Variants in GRIK4 observed in about 807,000 individuals in gnomAD.
The protein encoded by GRIK4 is glutamate ionotropic receptor kainate type subunit 4.
In GRIK4, 40 loss-of-function variants were observed where a neutral mutation model predicts 104.9. The ratio of observed to expected loss-of-function variants is 0.38; its 90% CI spans 0.30 to 0.50. GRIK4 has a LOEUF of 0.50. Ranked by LOEUF, GRIK4 falls within the 20% of genes least tolerant of loss-of-function variation. The pLI, the probability that GRIK4 is intolerant of heterozygous loss-of-function variation, is 0.93. For synonymous variants in GRIK4, 485 were observed against 524.9 expected (o/e 0.92, Z 1.04); for missense variants, 1,047 against 1,308.1 (o/e 0.80, Z 3.08).
At position 120,861,998 on chromosome 11, in the gene GRIK4, C is replaced by G. The variant is rs752261288; in HGVS notation, c.784C>G (p.Arg262Gly). The G allele has an allele frequency of 1.2e-6, 2 of 1,613,504 alleles. No homozygotes were observed. Among genetic ancestry groups the G allele is most frequent in the Non-Finnish European group, 1.7e-6 (2 of 1,179,410 alleles). The change falls in exon 9 of 21, where the codon CGT (arginine) becomes GGT (glycine). Residue 262 changes from arginine (R) to glycine (G), a missense_variant. Around this residue, in one of 3 missense-constraint regions of GRIK4, gnomAD observed 447 missense variants for 514.9 expected, o/e 0.87. Coordinates refer to ENST00000527524, the MANE Select transcript of GRIK4 (RefSeq NM_014619.5). The stretch of plus-strand genomic sequence containing the variant: ...GAGAATGGACAGCCTTGTGGATGAT[C>G]GTGTCAACATCCTGGGATTTTCCAT... ...LQRMDSLVDD[R>G]VNILGFSIFN...
rs768115526 is a variant in GRIK4, at chr11:120,960,926, T to G, written c.1892T>G (p.Ile631Ser). Reference sequence around the variant, plus strand: ...CTACATAGGTGGGCATTCACGCTGATCATCATCTCATCCTACACGGCCAAC... The same window carrying G: ...CTACATAGGTGGGCATTCACGCTGAGCATCATCTCATCCTACACGGCCAAC... Reference protein sequence around the residue: ...VSGVWWAFTLIIISSYTANLA... With the variant: ...VSGVWWAFTLSIISSYTANLA... The change falls in exon 17 of 21, where the codon ATC (isoleucine) becomes AGC (serine). Residue 631 changes from isoleucine (I) to serine (S), a missense_variant. This residue lies in a region of GRIK4 where 440 missense variants were observed against 652.3 expected (regional missense o/e 0.67). Transcript: ENST00000527524. The G allele has an allele frequency of 6.2e-7, 1 of 1,613,614 alleles. No individual in the cohort carries two copies. Among genetic ancestry groups the G allele is most frequent in the Non-Finnish European group, 8.5e-7 (1 of 1,179,918 alleles).
intron 3 of GRIK4, among the ~76,000 whole-genome samples, chr11:120,678,519 C>T (rs911369619): frequency 5.3e-5 from 8 of 152,166 alleles, no homozygotes; most frequent in Non-Finnish European, 8.8e-5. Context: ...CTAAGTGTAC[C>T]GGGTGCTTCT....
intron 1 of GRIK4, among the ~76,000 whole-genome samples, chr11:120,578,758 G>A (rs928742863): frequency 2.0e-5 from 3 of 152,186 alleles, no homozygotes; most frequent in Non-Finnish European, 4.4e-5. Flanking sequence ...CTCCCCTCCC[G>A]GCGAACGCCC....
chr11:120,577,228 T>A (rs1948497041), intron 1 of GRIK4, among the ~76,000 whole-genome samples: 1 of 152,130 alleles, frequency 6.6e-6, no homozygotes, highest in African/African-American at 2.4e-5. Context: ...TGTCCTGAAC[T>A]TGCATCCTGT....
intron 8 of GRIK4, among the ~76,000 whole-genome samples, chr11:120,844,734 C>T (rs1477008494): frequency 2.0e-5 from 3 of 152,198 alleles, no homozygotes; most frequent in East Asian, 1.9e-4. Context: ...AATACCCTTC[C>T]TCCCATTCTG....
At chr11:120,675,321 C>T (rs1950081360) in intron 3 of GRIK4, among the ~76,000 whole-genome samples, 1 of 152,144 alleles carries the variant, frequency 6.6e-6, no homozygotes, top group South Asian at 2.1e-4. Context: ...GGGTGGGACT[C>T]CCTTCTGGGT....
At chr11:120,848,402 A>T (rs1837449880) in intron 8 of GRIK4, among the ~76,000 whole-genome samples, 1 of 152,180 alleles carries the variant, frequency 6.6e-6, no homozygotes, top group Admixed American at 6.5e-5. Flanking sequence ...TTCAGGGGGC[A>T]TTTGAATCAA....
At chr11:120,515,845 A>C (rs1172731681) in intron 1 of GRIK4, among the ~76,000 whole-genome samples, 1 of 152,210 alleles carries the variant, frequency 6.6e-6, no homozygotes, top group African/African-American at 2.4e-5. Context: ...TATGGGAAGG[A>C]AGGAAGGAAT....
intron 1 of GRIK4, among the ~76,000 whole-genome samples, chr11:120,601,546 G>T (rs1315472587): frequency 6.6e-6 from 1 of 152,046 alleles, no homozygotes; most frequent in South Asian, 2.1e-4. Context: ...GCGGGGTGTG[G>T]GGGGGCGCAA....
intron 9 of GRIK4, 103 bp downstream of exon 9, chr11:120,862,223 T>A: frequency 5.1e-6 from 5 of 972,102 alleles, no homozygotes; most frequent in Non-Finnish European, 7.8e-6. Flanking sequence ...TCCAGCCGTC[T>A]CCTGCTCCAG....
At chr11:120,741,514 G>T (rs3018284) in intron 3 of GRIK4, among the ~76,000 whole-genome samples, 93,828 of 151,708 alleles carry the variant, frequency 0.62, 30,406 homozygotes, top group Middle Eastern at 0.79. Context: ...TCTTGACCTC[G>T]TGATCCGCCC....
chr11:120,864,248 T>C (rs969051281), intron 9 of GRIK4, among the ~76,000 whole-genome samples: 2 of 150,836 alleles, frequency 1.3e-5, no homozygotes, highest in African/African-American at 4.9e-5. Flanking sequence ...TTTATTTATT[T>C]ATTTATTTTT....
At position 120,652,059 on chromosome 11, in the gene GRIK4, C is replaced by T. The variant is rs115289238; in HGVS notation, c.-158-1626C>T. On this transcript the variant is annotated intron_variant, in intron 1 of 20. Coordinates refer to ENST00000527524, the MANE Select transcript of GRIK4 (RefSeq NM_014619.5). ...CGCTGAGTGACCTTGGCAAGTTACA[C>T]AACCTCTCCGCCTTTGAGTTCCAGG... Among the ~76,000 whole-genome samples, 292 of 152,332 alleles carry T rather than the reference C, an allele frequency of 1.9e-3. 1 individual carries two copies. The highest frequency in any genetic ancestry group is 0.017 in the Middle Eastern group (5 of 294).
At chr11:120,896,694 A>G (rs1464581402) in intron 11 of GRIK4, among the ~76,000 whole-genome samples, 1 of 152,218 alleles carries the variant, frequency 6.6e-6, no homozygotes, top group Non-Finnish European at 1.5e-5. Flanking sequence ...CTCTGGCCCC[A>G]TAGGGTGGGG....
At chr11:120,723,265 CT>C (rs1345036603) in intron 3 of GRIK4, among the ~76,000 whole-genome samples, 3 of 152,158 alleles carry the variant, frequency 2.0e-5, no homozygotes, top group African/African-American at 7.2e-5. Flanking sequence ...AGTGTGTGTT[CT>C]TCACACTTGA....
At chr11:120,512,686 A>G (rs1055810104) in intron 1 of GRIK4, among the ~76,000 whole-genome samples, 1 of 151,726 alleles carries the variant, frequency 6.6e-6, no homozygotes, top group South Asian at 2.1e-4. Flanking sequence ...GATTCTCTTC[A>G]GTGAGGACTG....
At chr11:120,723,437 C>T (rs1950967832) in intron 3 of GRIK4, among the ~76,000 whole-genome samples, 1 of 152,194 alleles carries the variant, frequency 6.6e-6, no homozygotes, top group Non-Finnish European at 1.5e-5. Context: ...CAAGCAACAC[C>T]AGGACCCAGA....
chr11:120,977,311 G>T (rs1944577527), intron 19 of GRIK4, among the ~76,000 whole-genome samples: 1 of 152,170 alleles, frequency 6.6e-6, no homozygotes, highest in Non-Finnish European at 1.5e-5. Context: ...GGGAAGGAAA[G>T]ACATGACTAG....
intron 8 of GRIK4, among the ~76,000 whole-genome samples, chr11:120,837,809 G>A (rs1953613302): frequency 6.6e-6 from 1 of 152,122 alleles, no homozygotes; most frequent in South Asian, 2.1e-4. Flanking sequence ...GCATCTGGGG[G>A]AGCCTGGGCA....
Sources: gnomAD v4.1 joint callset for allele counts (sites outside exome capture counted in the v4.1 genomes callset) on GRCh38, gnomAD v4.1.1 for gene constraint, gnomAD v4.1.1 regional missense constraint, MANE v1.5 for transcripts, NCBI Gene and HGNC (gene_info 2026-07-23, HGNC 2026-07-21) for gene names.